The following C8orf34 variants were observed in gnomAD, a reference collection of about 807,000 sequenced individuals.
C8orf34 encodes the protein chromosome 8 open reading frame 34, also known as uncharacterized protein C8orf34.
Under a neutral mutation model 68.3 loss-of-function variants are expected in C8orf34, and 65 were observed. The observed-to-expected ratio is 0.95, with a 90% CI of 0.78 to 1.17. The LOEUF is 1.17. Ranked by LOEUF, C8orf34 falls within the 50% of genes most tolerant of loss-of-function variation. The pLI is 0.00. For missense variants in C8orf34, 664 were observed against 655.4 expected, an observed-to-expected ratio of 1.01 and a Z score of -0.14; for synonymous variants, 244 against 241.2, an observed-to-expected ratio of 1.01 and a Z score of -0.11.
At chr8:68,416,494 T>G (rs1809670483) in intron 1 of C8orf34, among the ~76,000 whole-genome samples, 1 of 150,740 alleles carries the variant, frequency 6.6e-6, no homozygotes, top group South Asian at 2.1e-4. Context: ...GAATTAGTAT[T>G]TTATTTTATT....
intron 7 of C8orf34, among the ~76,000 whole-genome samples, chr8:68,536,721 A>G (rs986452181): frequency 5.9e-5 from 9 of 152,126 alleles, no homozygotes; most frequent in African/African-American, 2.2e-4. Flanking sequence ...ATTGATGATG[A>G]GGCAAGTATA....
At chr8:68,512,575 T>C (rs1192340438) in intron 5 of C8orf34, among the ~76,000 whole-genome samples, 1 of 152,154 alleles carries the variant, frequency 6.6e-6, no homozygotes, top group Non-Finnish European at 1.5e-5. Context: ...GAATCAGAAA[T>C]TTTAAATAAG....
At chr8:68,770,653 A>G (rs1177592168) in intron 10 of C8orf34, among the ~76,000 whole-genome samples, 1 of 152,024 alleles carries the variant, frequency 6.6e-6, no homozygotes, top group Admixed American at 6.6e-5. Flanking sequence ...ACTTTTTCAC[A>G]TGGCAGTGAA....
intron 8 of C8orf34, among the ~76,000 whole-genome samples, chr8:68,653,828 T>C (rs1021789947): frequency 6.6e-6 from 1 of 152,134 alleles, no homozygotes; most frequent in Non-Finnish European, 1.5e-5. Flanking sequence ...GGCTGACACA[T>C]ACATTTCGTC....
Position 68,619,053 on chromosome 8 carries a change from G to A in C8orf34, c.1106-21323G>A, listed in dbSNP as rs530603557. 6.7e-4 allele frequency among the ~76,000 whole-genome samples: 102 copies of A among 152,168 alleles called. 1 individual carries two copies. The South Asian group carries it at 0.017, about 26-fold the overall frequency. ...AACTTTAAAGGAGAGGTTGGGCTGGGCACTGTGACTCCACCTGTAATCCCA... is the reference window on the plus strand; with the variant it reads ...AACTTTAAAGGAGAGGTTGGGCTGGACACTGTGACTCCACCTGTAATCCCA... On this transcript the variant is annotated intron_variant, in intron 7 of 13. Coordinates refer to ENST00000518698, the MANE Select transcript of C8orf34 (RefSeq NM_052958.4).
chr8:68,677,571 G>T (rs1414026260), intron 8 of C8orf34, among the ~76,000 whole-genome samples: 1 of 149,406 alleles, frequency 6.7e-6, no homozygotes, highest in African/African-American at 2.5e-5. Context: ...TGCCTAGGCT[G>T]GTCTCAAACT....
chr8:68,560,173 C>T (rs1489388386), intron 7 of C8orf34, among the ~76,000 whole-genome samples: 8 of 150,102 alleles, frequency 5.3e-5, no homozygotes, highest in Non-Finnish European at 1.0e-4. Context: ...GAAACAGTGT[C>T]GGAGTGGCAG....
chr8:68,666,475 T>G (rs1392483847), intron 8 of C8orf34, among the ~76,000 whole-genome samples: 1 of 152,210 alleles, frequency 6.6e-6, no homozygotes, highest in Non-Finnish European at 1.5e-5. Context: ...AGGCAGAAAT[T>G]CTTCCAACCA....
intron 10 of C8orf34, among the ~76,000 whole-genome samples, chr8:68,726,826 G>C (rs961323876): frequency 7.1e-6 from 1 of 141,394 alleles, no homozygotes; most frequent in African/African-American, 2.7e-5. Flanking sequence ...GCACAGTAAA[G>C]ATTGGCCCCC....
intron 1 of C8orf34, among the ~76,000 whole-genome samples, chr8:68,433,492 G>A (rs919066429): frequency 2.0e-5 from 3 of 152,150 alleles, no homozygotes; most frequent in East Asian, 1.9e-4. Context: ...ACTTTCCCCT[G>A]AGGTTAAAAA....
intron 1 of C8orf34, among the ~76,000 whole-genome samples, chr8:68,352,087 A>G (rs1174083740): frequency 6.6e-6 from 1 of 151,966 alleles, no homozygotes; most frequent in East Asian, 1.9e-4. Flanking sequence ...TATGTTTTGA[A>G]TAACATTCCT....
chr8:68,731,477 T>G (rs1821975472), intron 10 of C8orf34, among the ~76,000 whole-genome samples: 1 of 152,340 alleles, frequency 6.6e-6, no homozygotes, highest in Non-Finnish European at 1.5e-5. Context: ...GGATGTTGAC[T>G]GTTAGGTTAT....
rs756638564 is a variant in C8orf34, at chr8:68,439,512, A to G, written c.341A>G (p.Lys114Arg). 1.9e-5 allele frequency: 31 copies of G among 1,613,266 alleles called. No individual in the cohort carries two copies. The South Asian group carries it at 3.0e-4, about 15-fold the overall frequency. The change falls in exon 2 of 14, where the codon AAG (lysine) becomes AGG (arginine). Residue 114 changes from lysine to arginine, a missense_variant. Transcript: ENST00000518698. ...TTCTGCCTTCAGGAATTAATGACCA[A>G]GTTAATAACTGAGACACCTGACCAG... The part of the protein sequence containing the change: ...IGPLFEELMT[K>R]LITETPDQPI...
intron 1 of C8orf34, among the ~76,000 whole-genome samples, chr8:68,408,567 C>T (rs557675967): frequency 6.6e-6 from 1 of 152,118 alleles, no homozygotes; most frequent in Non-Finnish European, 1.5e-5. Flanking sequence ...TTTATACACT[C>T]ATACAACTTT....
At chr8:68,401,350 A>G (rs1808945702) in intron 1 of C8orf34, among the ~76,000 whole-genome samples, 1 of 152,126 alleles carries the variant, frequency 6.6e-6, no homozygotes, top group Non-Finnish European at 1.5e-5. Flanking sequence ...CTCATTTCCA[A>G]TTTGGATGCC....
At position 68,484,928 on chromosome 8, in the gene C8orf34, A is replaced by G. The variant is rs555610517; in HGVS notation, c.737-3095A>G. Among the ~76,000 whole-genome samples the G allele has an allele frequency of 3.9e-5, 6 of 152,388 alleles. No individual in the cohort carries two copies. In the East Asian group the frequency reaches 1.2e-3, roughly 29 times the overall value. On this transcript the variant is annotated intron_variant, in intron 4 of 13. Coordinates refer to ENST00000518698, the MANE Select transcript of C8orf34 (RefSeq NM_052958.4). ...AAGTCATCAAAATATGTAAATTTTA[A>G]GAAAATATGATAATAAGTATTTGAA...
intron 11 of C8orf34, among the ~76,000 whole-genome samples, chr8:68,776,655 A>G (rs529208173): frequency 5.1e-4 from 77 of 152,324 alleles, no homozygotes; most frequent in African/African-American, 1.9e-3. Context: ...GTATCAGTTC[A>G]GTGATCCTGA....
intron 12 of C8orf34, among the ~76,000 whole-genome samples, chr8:68,809,720 C>A (rs6982162): frequency 6.6e-6 from 1 of 152,146 alleles, no homozygotes; most frequent in African/African-American, 2.4e-5. Context: ...CCACTTCAGA[C>A]TTAAGTGAAG....
At position 68,788,856 on chromosome 8, in the gene C8orf34, TA is replaced by T. The variant is rs765629361; in HGVS notation, c.1549+1332del. The stretch of plus-strand genomic sequence containing the variant: ...CCTGGCGACAGAGCGAGACTCCGTC[TA>T]AAAAAAAAAAAGATAACAACTGATA... On this transcript the variant is annotated intron_variant, in intron 12 of 13. Coordinates refer to ENST00000518698, the MANE Select transcript of C8orf34 (RefSeq NM_052958.4). Among the ~76,000 whole-genome samples the T allele has an allele frequency of 2.3e-3, 332 of 142,038 alleles. 1 individual carries two copies. Among genetic ancestry groups the T allele is most frequent in the South Asian group, 8.4e-3 (38 of 4,534 alleles). 93.2% of individuals were successfully genotyped at this position (142,038 alleles called of 152,430 possible). A position where few individuals can be genotyped will look rare whatever the true frequency, so the allele number is the denominator to read the frequency against.
Sources: gnomAD v4.1 joint callset for allele counts (sites outside exome capture counted in the v4.1 genomes callset) on GRCh38, gnomAD v4.1.1 for gene constraint, MANE v1.5 for transcripts, NCBI Gene and HGNC (gene_info 2026-07-23, HGNC 2026-07-21) for gene names.